ZMAT4: variants seen among roughly 807,000 people sequenced by gnomAD.
ZMAT4 encodes zinc finger matrin-type 4, also known as zinc finger matrin-type protein 4.
In ZMAT4, 17 loss-of-function variants were observed where a neutral mutation model predicts 28.7. The observed-to-expected ratio is 0.59, with a 90% CI of 0.41 to 0.89. The LOEUF (loss-of-function observed/expected upper bound fraction) is 0.89, where lower values mean the gene tolerates loss of function less well. Ranked by LOEUF, ZMAT4 falls within the 40% of genes least tolerant of loss-of-function variation. ZMAT4 has a pLI of 0.00. For synonymous variants in ZMAT4, 117 were observed against 109.2 expected, an observed-to-expected ratio of 1.07 and a Z score of -0.44; for missense variants, 240 against 283.8, an observed-to-expected ratio of 0.85 and a Z score of 1.11.
At chr8:40,664,149 T>C (rs1476299175) in intron 5 of ZMAT4, among the ~76,000 whole-genome samples, 1 of 152,060 alleles carries the variant, frequency 6.6e-6, no homozygotes, top group Non-Finnish European at 1.5e-5. Context: ...TTCTAACAAA[T>C]AGAATGTGTG....
At chr8:40,773,711 A>G (rs1159716261) in intron 2 of ZMAT4, among the ~76,000 whole-genome samples, 1 of 152,206 alleles carries the variant, frequency 6.6e-6, no homozygotes, top group African/African-American at 2.4e-5. Context: ...TTAGGGTCTG[A>G]GTTAATACAG....
intron 5 of ZMAT4, among the ~76,000 whole-genome samples, chr8:40,620,733 G>A (rs928043017): frequency 4.6e-5 from 7 of 152,164 alleles, no homozygotes; most frequent in African/African-American, 1.4e-4. Flanking sequence ...CATAACAAAT[G>A]GCCCTGGTAG....
chr8:40,683,866 A>AC, intron 4 of ZMAT4, among the ~76,000 whole-genome samples: 1 of 152,090 alleles, frequency 6.6e-6, no homozygotes, highest in African/African-American at 2.4e-5. Context: ...GGAGTTTGGA[A>AC]CCATCCTGGG....
chr8:40,548,655 G>C (rs1467692252), intron 6 of ZMAT4, among the ~76,000 whole-genome samples: 6 of 152,290 alleles, frequency 3.9e-5, no homozygotes, highest in Admixed American at 3.9e-4. Flanking sequence ...CCAGAGATAA[G>C]GGGGTTCTTG....
chr8:40,711,783 G>A (rs149006686), intron 3 of ZMAT4, among the ~76,000 whole-genome samples: 18 of 152,290 alleles, frequency 1.2e-4, no homozygotes, highest in African/African-American at 3.8e-4. Flanking sequence ...GAAAAGTCAG[G>A]ATAGTGGTTA....
At chr8:40,558,871 A>T (rs1002888162) in intron 6 of ZMAT4, among the ~76,000 whole-genome samples, 1 of 152,090 alleles carries the variant, frequency 6.6e-6, no homozygotes, top group Admixed American at 6.6e-5. Context: ...ACGACAGCCA[A>T]CCAACATAAG....
At chr8:40,810,159 G>GTA (rs1815262539) in intron 2 of ZMAT4, among the ~76,000 whole-genome samples, 1 of 152,090 alleles carries the variant, frequency 6.6e-6, no homozygotes. Flanking sequence ...GTGTGTGTAT[G>GTA]TATATATTCA....
At chr8:40,782,212 C>T (rs937604861) in intron 2 of ZMAT4, among the ~76,000 whole-genome samples, 4 of 151,958 alleles carry the variant, frequency 2.6e-5, no homozygotes, top group African/African-American at 7.3e-5. Flanking sequence ...ATGGTGAAAC[C>T]CCGCCTCTAC....
chr8:40,889,600 A>G (rs966677466), intron 1 of ZMAT4, among the ~76,000 whole-genome samples: 2 of 152,192 alleles, frequency 1.3e-5, no homozygotes, highest in South Asian at 2.1e-4. Context: ...TCAGGACTAC[A>G]TACACCTTTT....
intron 2 of ZMAT4, among the ~76,000 whole-genome samples, chr8:40,776,160 G>T (rs1373257400): frequency 1.3e-5 from 2 of 152,212 alleles, no homozygotes; most frequent in African/African-American, 4.8e-5. Context: ...TTCTCCTGGG[G>T]TCTTTCTTCT....
At chr8:40,782,443 C>A (rs974395208) in intron 2 of ZMAT4, among the ~76,000 whole-genome samples, 9 of 152,030 alleles carry the variant, frequency 5.9e-5, no homozygotes, top group Non-Finnish European at 1.2e-4. Context: ...AGTGAAAAGA[C>A]AACACACAGA....
intron 5 of ZMAT4, among the ~76,000 whole-genome samples, chr8:40,624,525 C>A (rs1485630053): frequency 6.6e-6 from 1 of 152,194 alleles, no homozygotes; most frequent in African/African-American, 2.4e-5. Flanking sequence ...AGGATGGAAA[C>A]AATAATTTGT....
chr8:40,619,568 A>G (rs1460057483), intron 5 of ZMAT4, among the ~76,000 whole-genome samples: 1 of 152,168 alleles, frequency 6.6e-6, no homozygotes, highest in Non-Finnish European at 1.5e-5. Context: ...GCAGGCAGAG[A>G]GCAGCGGCAG....
chr8:40,673,741 T>C (rs1040136566), intron 5 of ZMAT4, among the ~76,000 whole-genome samples: 1 of 152,160 alleles, frequency 6.6e-6, no homozygotes, highest in African/African-American at 2.4e-5. Context: ...GTCCCACAAA[T>C]TGGTTGATGG....
intron 5 of ZMAT4, among the ~76,000 whole-genome samples, chr8:40,645,393 A>C (rs974412489): frequency 6.6e-6 from 1 of 152,186 alleles, no homozygotes; most frequent in African/African-American, 2.4e-5. Flanking sequence ...CCATGACATA[A>C]TCAATATTGT....
chr8:40,831,517 C>G (rs1251400290), intron 1 of ZMAT4, among the ~76,000 whole-genome samples: 1 of 152,240 alleles, frequency 6.6e-6, no homozygotes, highest in Non-Finnish European at 1.5e-5. Flanking sequence ...AGGGTGGCAT[C>G]TCCTCCAGCC....
At chr8:40,604,750 A>G (rs538252680) in intron 5 of ZMAT4, among the ~76,000 whole-genome samples, 1 of 152,236 alleles carries the variant, frequency 6.6e-6, no homozygotes, top group East Asian at 1.9e-4. Flanking sequence ...ACGATTTAGA[A>G]AGGATTTCCT....
At chr8:40,797,292 CTT>C (rs1268258891) in intron 2 of ZMAT4, among the ~76,000 whole-genome samples, 1 of 152,214 alleles carries the variant, frequency 6.6e-6, no homozygotes, top group Non-Finnish European at 1.5e-5. Context: ...CTTAGGGCCA[CTT>C]GAGTGATATG....
chr8:40,707,617 G>A (rs1810418453), intron 3 of ZMAT4, among the ~76,000 whole-genome samples: 1 of 144,480 alleles, frequency 6.9e-6, no homozygotes, highest in Non-Finnish European at 1.5e-5. Context: ...GTATATGTGT[G>A]TGTATACATA....
Sources: gnomAD v4.1 joint callset for allele counts (sites outside exome capture counted in the v4.1 genomes callset) on GRCh38, gnomAD v4.1.1 for gene constraint, MANE v1.5 for transcripts, NCBI Gene and HGNC (gene_info 2026-07-23, HGNC 2026-07-21) for gene names.